TMEM169: variants seen among roughly 807,000 people sequenced by gnomAD.
TMEM169 encodes transmembrane protein 169.
Under a neutral mutation model 27.3 loss-of-function variants are expected in TMEM169, and 18 were observed. The observed-to-expected ratio is 0.66, with a 90% CI of 0.46 to 0.98. TMEM169 has a LOEUF of 0.98. Among genes scored for constraint, TMEM169 ranks in the 50% least tolerant of loss-of-function variants. TMEM169 has a pLI of 0.00. For missense variants in TMEM169, 320 were observed against 368.6 expected (o/e 0.87, Z 1.08); for synonymous variants, 136 against 142.1 (o/e 0.96, Z 0.30).
intron 2 of TMEM169, among the ~76,000 whole-genome samples, chr2:216,096,617 A>G (rs1214974189): frequency 6.6e-6 from 1 of 152,166 alleles, no homozygotes; most frequent in Non-Finnish European, 1.5e-5. Flanking sequence ...CACCTGCCTC[A>G]GCCTCCCAAA....
chr2:216,095,932 T>C lies in TMEM169; in HGVS notation c.-32T>C, dbSNP rs1696251449. ...GAGTTTACTCAAACAAGTCCAACTC[T>C]TTATAAGACATAGGTAGACGTCAGG... On this transcript the variant is annotated 5_prime_UTR_variant, in exon 2 of 3. Transcript: ENST00000437356. 1 of 1,593,824 alleles carries C rather than the reference T, an allele frequency of 6.3e-7. No individual in the cohort carries two copies. The highest frequency in any genetic ancestry group is 8.5e-7 in the Non-Finnish European group (1 of 1,171,188).
chr2:216,099,201 GTGTATGTGTTA>G lies in TMEM169; in HGVS notation c.272-712_272-702del, dbSNP rs1696330840. 6.6e-6 allele frequency among the ~76,000 whole-genome samples: 1 copy of G among 150,744 alleles called. No homozygotes were observed. Among genetic ancestry groups the G allele is most frequent in the Non-Finnish European group, 1.5e-5 (1 of 67,556 alleles). On this transcript the variant is annotated intron_variant, in intron 2 of 2. Coordinates refer to ENST00000437356, the MANE Select transcript of TMEM169 (RefSeq NM_001142311.2). The surrounding 1 kb of genome is among the most constrained non-coding windows in gnomAD (Gnocchi z 5.0). ...GGAGGTTGTGTGTGGCATGTGTGTG[GTGTATGTGTTA>G]TGTATGGTGTTTGGTATATGTGGTG...
Position 216,099,064 on chromosome 2 carries a change from A to C in TMEM169, c.272-856A>C, listed in dbSNP as rs527864518. 1.5e-5 allele frequency among the ~76,000 whole-genome samples: 2 copies of C among 133,872 alleles called. No individual in the cohort carries two copies. Among genetic ancestry groups the C allele is most frequent in the South Asian group, 4.8e-4 (2 of 4,160 alleles). 87.8% of individuals were successfully genotyped at this position (133,872 alleles called of 152,430 possible). ...GCTGTGTGTATGTGTGGTGTGTGTG[A>C]TGTGTATGTGTGTGTGTGGTGTGTT... On this transcript the variant is annotated intron_variant, in intron 2 of 2. Transcript: ENST00000437356. The surrounding 1 kb of genome is among the most constrained non-coding windows in gnomAD (Gnocchi z 5.0).
At chr2:216,090,911 GT>G (rs1458368014) in intron 1 of TMEM169, among the ~76,000 whole-genome samples, 1 of 152,196 alleles carries the variant, frequency 6.6e-6, no homozygotes, top group African/African-American at 2.4e-5. Context: ...TGTTTTTACA[GT>G]AGCCTTGATA....
rs1037063590 is a variant in TMEM169, at chr2:216,090,620, G to T, written c.-126-5218G>T. Among the ~76,000 whole-genome samples, 54 of 152,240 alleles carry T rather than the reference G, an allele frequency of 3.5e-4. 1 individual carries two copies. Among genetic ancestry groups the T allele is most frequent in the Non-Finnish European group, 1.0e-4 (7 of 67,998 alleles). On this transcript the variant is annotated intron_variant, in intron 1 of 2. Transcript: ENST00000437356. ...AAATTCTATTCACAGAATACTAAAAGGTTCAGAAACCATAAAAACAAAAAA... is the reference window on the plus strand; with the variant it reads ...AAATTCTATTCACAGAATACTAAAATGTTCAGAAACCATAAAAACAAAAAA...
At position 216,097,011 on chromosome 2, in the gene TMEM169, A is replaced by G. The variant is rs747650791; in HGVS notation, c.271+777A>G. Among the ~76,000 whole-genome samples the G allele has an allele frequency of 7.2e-5, 11 of 152,234 alleles. No individual in the cohort carries two copies. The South Asian group carries it at 2.1e-3, about 29-fold the overall frequency. On this transcript the variant is annotated intron_variant, in intron 2 of 2. Transcript: ENST00000437356. ...TACATCAATATGAGCAAATGGATAT[A>G]CTTCATGCACCTTAGTGAAAGTGGA...
Position 216,100,656 on chromosome 2 carries a change from C to CA in TMEM169, c.*115dup, listed in dbSNP as rs1696376962. ...ACTCTCCGCAGTTCTTCTGGGAAAT[C>CA]AGAGTCCATACTGATCAGTTTTACC... On this transcript the variant is annotated 3_prime_UTR_variant, in exon 3 of 3. Coordinates refer to ENST00000437356, the MANE Select transcript of TMEM169 (RefSeq NM_001142311.2). 10 of 1,425,394 alleles carry CA rather than the reference C, an allele frequency of 7.0e-6. No homozygotes were observed. Among genetic ancestry groups the CA allele is most frequent in the Non-Finnish European group, 9.6e-6 (10 of 1,044,758 alleles). The allele number at this position is 1,425,394 out of a possible 1,614,324, so 88.3% of individuals were successfully genotyped here.
In TMEM169 at chr2:216,100,170, T is replaced by C; in HGVS notation, c.522T>C (p.Leu174=). The C allele has an allele frequency of 1.2e-6, 2 of 1,613,978 alleles. No homozygotes were observed. The highest frequency in any genetic ancestry group is 3.3e-5 in the Admixed American group (2 of 59,974). The change falls in exon 3 of 3, where the codon CTT becomes CTC. Residue 174 remains leucine, a synonymous_variant. Coordinates refer to ENST00000437356, the MANE Select transcript of TMEM169 (RefSeq NM_001142311.2). ...TLICLPVVFI[L]SFVVSFYYGT... is the part of the protein sequence containing the mutation. ...TCTGCCTGCCTGTGGTTTTCATCCTTTCTTTTGTTGTCTCTTTCTACTACG... is the reference window on the plus strand; with the variant it reads ...TCTGCCTGCCTGTGGTTTTCATCCTCTCTTTTGTTGTCTCTTTCTACTACG...
rs1310275973 is a variant in TMEM169, at chr2:216,096,154, A to T, written c.191A>T (p.Glu64Val). 1.2e-6 allele frequency: 2 copies of T among 1,614,056 alleles called. No homozygotes were observed. Among genetic ancestry groups the T allele is most frequent in the Non-Finnish European group, 1.7e-6 (2 of 1,180,026 alleles). Residue 64 changes from glutamate to valine, a missense_variant, in exon 2 of 3, where the codon GAG (glutamate) becomes GTG (valine). Coordinates refer to ENST00000437356, the MANE Select transcript of TMEM169 (RefSeq NM_001142311.2). Reference protein sequence around the residue: ...IYRSDNEKTDEEPGESEGGDQ... With the variant: ...IYRSDNEKTDVEPGESEGGDQ... ...CGCTCAGACAATGAGAAAACAGATG[A>T]GGAGCCCGGAGAATCAGAAGGTGGA...
intron 1 of TMEM169, among the ~76,000 whole-genome samples, chr2:216,087,369 A>T (rs547149443): frequency 6.6e-6 from 1 of 152,220 alleles, no homozygotes; most frequent in Non-Finnish European, 1.5e-5. Context: ...AATGTCTTCC[A>T]GTTTAGAGGA....
intron 1 of TMEM169, among the ~76,000 whole-genome samples, chr2:216,089,638 G>A (rs978955237): frequency 6.6e-6 from 1 of 152,082 alleles, no homozygotes; most frequent in African/African-American, 2.4e-5. Context: ...ATTTTTAGTA[G>A]AGACAGGGTT....
intron 1 of TMEM169, among the ~76,000 whole-genome samples, chr2:216,094,849 G>T (rs781015367): frequency 1.3e-5 from 2 of 152,162 alleles, no homozygotes; most frequent in Non-Finnish European, 2.9e-5. Flanking sequence ...TTATTTTAAG[G>T]GGGAAAGTGA....
In TMEM169 at chr2:216,100,591, T is replaced by C. The variant is rs758457739; in HGVS notation, c.*49T>C. 11 of 1,609,304 alleles carry C rather than the reference T, an allele frequency of 6.8e-6. No individual in the cohort carries two copies. Among genetic ancestry groups the C allele is most frequent in the Non-Finnish European group, 8.5e-6 (10 of 1,178,364 alleles). ...TCTGGCCCCAGTAGCCTATATATCATCTTAAAATTCCAGCAGATTATTTCT... is the reference window on the plus strand; with the variant it reads ...TCTGGCCCCAGTAGCCTATATATCACCTTAAAATTCCAGCAGATTATTTCT... On this transcript the variant is annotated 3_prime_UTR_variant, in exon 3 of 3. Transcript: ENST00000437356.
chr2:216,086,114 G>A (rs1372231311), intron 1 of TMEM169, among the ~76,000 whole-genome samples: 3 of 151,946 alleles, frequency 2.0e-5, no homozygotes, highest in Non-Finnish European at 4.4e-5. Flanking sequence ...GCCCCGGCTG[G>A]AGTGCGGTGG....
At position 216,100,288 on chromosome 2, in the gene TMEM169, T is replaced by C. The variant is rs749308901; in HGVS notation, c.640T>C (p.Tyr214His). The C allele has an allele frequency of 3.1e-6, 5 of 1,613,802 alleles. No homozygotes were observed. The highest frequency in any genetic ancestry group is 1.3e-5 in the African/African-American group (1 of 74,822). ...GTATTGCCCTTGCCTCGTTCTCTTC[T>C]ATCCAGTGCTCATCATGGCCATGGC... ...ISYCPCLVLF[Y>H]PVLIMAMASS... The change falls in exon 3 of 3, where the codon TAT becomes CAT. Residue 214 changes from tyrosine to histidine, a missense_variant. Transcript: ENST00000437356.
chr2:216,082,050 AAAAAG>A, intron 1 of TMEM169, 71 bp downstream of exon 1: 5 of 351,622 alleles, frequency 1.4e-5, no homozygotes, highest in Non-Finnish European at 2.6e-5. Flanking sequence ...GCAAAAAAAA[AAAAAG>A]AAGAAGAAAG....
chr2:216,088,346 C>T (rs909433565), intron 1 of TMEM169, among the ~76,000 whole-genome samples: 1 of 152,178 alleles, frequency 6.6e-6, no homozygotes, highest in African/African-American at 2.4e-5. Context: ...CGCCTGTAGT[C>T]CCAGCTACTC....
Position 216,096,035 on chromosome 2 carries a change from T to C in TMEM169, c.72T>C (p.Ala24=). The change falls in exon 2 of 3, where the codon GCT becomes GCC. Residue 24 remains alanine, a synonymous_variant. Coordinates refer to ENST00000437356, the MANE Select transcript of TMEM169 (RefSeq NM_001142311.2). ...PSPHQGSLRK[A]VAAALALDGE... is the part of the protein sequence containing the mutation. ...CCCACCAGGGCTCTCTCAGGAAGGC[T>C]GTGGCTGCTGCCCTGGCGCTGGATG... The C allele has an allele frequency of 6.2e-7, 1 of 1,614,208 alleles. No individual in the cohort carries two copies. Among genetic ancestry groups the C allele is most frequent in the South Asian group, 1.1e-5 (1 of 91,084 alleles).
chr2:216,085,059 G>A (rs1695964768), intron 1 of TMEM169, among the ~76,000 whole-genome samples: 1 of 152,182 alleles, frequency 6.6e-6, no homozygotes, highest in South Asian at 2.1e-4. Flanking sequence ...CAGCGATCTC[G>A]GCTCACTGCA....
Sources: allele counts gnomAD v4.1 joint callset (sites outside exome capture counted in the v4.1 genomes callset), GRCh38; gene constraint gnomAD v4.1.1; non-coding constraint Gnocchi (gnomAD v3.1); transcripts MANE v1.5; gene names NCBI Gene and HGNC (gene_info 2026-07-23, HGNC 2026-07-21).